PTPRD: variants seen among roughly 807,000 people sequenced by gnomAD.
PTPRD encodes receptor-type tyrosine-protein phosphatase delta.
Under a neutral mutation model 214.5 loss-of-function variants are expected in PTPRD, and 34 were observed. That is an observed-to-expected ratio of 0.16 (90% confidence interval 0.12 to 0.21). The LOEUF is 0.21. Among genes scored for constraint, PTPRD ranks in the 10% least tolerant of loss-of-function variants. PTPRD has a pLI of 1.00. For synonymous variants in PTPRD, 1,128 were observed against 845.7 expected, an observed-to-expected ratio of 1.33 and a Z score of -5.79; for missense variants, 2,545 against 2,398.7, an observed-to-expected ratio of 1.06 and a Z score of -1.27.
intron 11 of PTPRD, among the ~76,000 whole-genome samples, chr9:8,782,596 C>CTTTTT (rs35513651): frequency 8.5e-6 from 1 of 117,360 alleles, no homozygotes; most frequent in Non-Finnish European, 1.8e-5. Context: ...ATACTTAACG[C>CTTTTT]TTTTTTTTTT....
At chr9:9,363,111 C>CT (rs3048061) in intron 9 of PTPRD, among the ~76,000 whole-genome samples, 3,173 of 129,794 alleles carry the variant, frequency 0.024, 125 homozygotes, top group African/African-American at 0.085. Context: ...CTATTTTGTG[C>CT]TTTTTTTTTT....
Position 9,168,602 on chromosome 9 carries a change from G to C in PTPRD, c.-143+14702C>G, listed in dbSNP as rs901925573. Among the ~76,000 whole-genome samples the C allele has an allele frequency of 2.6e-5, 4 of 152,044 alleles. No individual in the cohort carries two copies. In the South Asian group the frequency reaches 6.2e-4, roughly 24 times the overall value. ...AAACAAGTAAGCAGCGAAACTTATA[G>C]TTTAAAAAACGATTTTTTTGCACTG... On this transcript the variant is annotated intron_variant, in intron 10 of 45. Coordinates refer to ENST00000381196, the MANE Select transcript of PTPRD (RefSeq NM_002839.4).
At chr9:10,272,952 T>A (rs543245296) in intron 3 of PTPRD, among the ~76,000 whole-genome samples, 1 of 152,180 alleles carries the variant, frequency 6.6e-6, no homozygotes, top group Non-Finnish European at 1.5e-5. Flanking sequence ...CTCAATTCAG[T>A]AGAGATGAAA....
chr9:10,223,742 A>G (rs930450108), intron 3 of PTPRD, among the ~76,000 whole-genome samples: 1 of 149,470 alleles, frequency 6.7e-6, no homozygotes, highest in African/African-American at 2.4e-5. Flanking sequence ...ACTGTATTCC[A>G]TTAAAACAAA....
chr9:9,385,580 C>G (rs2063623621), intron 9 of PTPRD, among the ~76,000 whole-genome samples: 1 of 152,142 alleles, frequency 6.6e-6, no homozygotes, highest in Non-Finnish European at 1.5e-5. Flanking sequence ...CATAAACCTT[C>G]TAGCTACTCT....
chr9:8,699,773 A>G (rs968320740), intron 12 of PTPRD, among the ~76,000 whole-genome samples: 1 of 77,654 alleles, frequency 1.3e-5, no homozygotes, highest in Non-Finnish European at 2.5e-5. Context: ...CGCCCAAAAG[A>G]AAAAAAAAAA....
intron 2 of PTPRD, among the ~76,000 whole-genome samples, chr9:10,530,906 T>C (rs929101299): frequency 6.6e-6 from 1 of 151,942 alleles, no homozygotes; most frequent in Non-Finnish European, 1.5e-5. Flanking sequence ...AAATCCACCA[T>C]AGTTATAATT....
chr9:10,037,516 G>A (rs1241810837), intron 3 of PTPRD, among the ~76,000 whole-genome samples: 1 of 146,040 alleles, frequency 6.8e-6, no homozygotes, highest in African/African-American at 2.5e-5. Flanking sequence ...TTGTGGAAAT[G>A]TAAACTAATT....
At chr9:9,447,883 C>A (rs780220165) in intron 8 of PTPRD, among the ~76,000 whole-genome samples, 1 of 151,966 alleles carries the variant, frequency 6.6e-6, no homozygotes, top group African/African-American at 2.4e-5. Context: ...GAGGTCAGTG[C>A]CGTTGGGCCA....
At chr9:8,321,477 G>A (rs1273865088) in intron 44 of PTPRD, among the ~76,000 whole-genome samples, 15 of 75,374 alleles carry the variant, frequency 2.0e-4, no homozygotes, top group African/African-American at 8.7e-4. Flanking sequence ...GTGTGTGTGT[G>A]TGTGTGTGTG....
chr9:9,238,903 T>C (rs1472806946), intron 9 of PTPRD, among the ~76,000 whole-genome samples: 2 of 152,284 alleles, frequency 1.3e-5, no homozygotes, highest in East Asian at 3.9e-4. Flanking sequence ...AATTTTATCC[T>C]AGGACCCTCT....
chr9:9,598,128 C>G (rs1273694854), intron 7 of PTPRD, among the ~76,000 whole-genome samples: 2 of 151,880 alleles, frequency 1.3e-5, no homozygotes, highest in Non-Finnish European at 2.9e-5. Context: ...CCTTCAAAAC[C>G]AAGAGACTCA....
chr9:8,480,936 G>T (rs184174681), intron 30 of PTPRD, among the ~76,000 whole-genome samples: 177 of 152,076 alleles, frequency 1.2e-3, no homozygotes, highest in African/African-American at 4.1e-3. Flanking sequence ...TCAGGAGATC[G>T]AGACCAACCT....
intron 8 of PTPRD, among the ~76,000 whole-genome samples, chr9:9,570,022 T>G (rs976388911): frequency 6.6e-6 from 1 of 151,490 alleles, no homozygotes; most frequent in South Asian, 2.1e-4. Context: ...ATTTTTCCCA[T>G]ATATTTTTTA....
intron 39 of PTPRD, among the ~76,000 whole-genome samples, chr9:8,359,169 G>A (rs1010915944): frequency 3.4e-5 from 5 of 145,410 alleles, no homozygotes; most frequent in Admixed American, 7.0e-5. Flanking sequence ...TTTTAGATTC[G>A]GCAGGGATCT....
rs181266838 is a variant in PTPRD, at chr9:9,419,117, T to G, written c.-236-21635A>C. The stretch of plus-strand genomic sequence containing the variant: ...AGCTTAGTTTTATGAATTCTAAAGA[T>G]AGGCCCCTTATACACACACACACAC... On this transcript the variant is annotated intron_variant, in intron 8 of 45. Coordinates refer to ENST00000381196, the MANE Select transcript of PTPRD (RefSeq NM_002839.4). Among the ~76,000 whole-genome samples, 37 of 132,702 alleles carry G rather than the reference T, an allele frequency of 2.8e-4. 1 individual carries two copies. The highest frequency in any genetic ancestry group is 9.7e-4 in the African/African-American group (34 of 35,116). 87.1% of individuals were successfully genotyped at this position (132,702 alleles called of 152,430 possible).
chr9:10,388,839 A>G (rs2097987372), intron 2 of PTPRD, among the ~76,000 whole-genome samples: 1 of 151,914 alleles, frequency 6.6e-6, no homozygotes, highest in Middle Eastern at 3.2e-3. Flanking sequence ...TGAAATACTT[A>G]GCAGAGAGAC....
In PTPRD at chr9:10,363,127, T is replaced by C. The variant is rs1035521287; in HGVS notation, c.-599-22110A>G. ...TGTTGCTAATCTCTAGATTTTCTGATTTATTTTTTCTCAAATTTTAATATT... is the reference window on the plus strand; with the variant it reads ...TGTTGCTAATCTCTAGATTTTCTGACTTATTTTTTCTCAAATTTTAATATT... On this transcript the variant is annotated intron_variant, in intron 2 of 45. Transcript: ENST00000381196. Among the ~76,000 whole-genome samples, 4 of 152,194 alleles carry C rather than the reference T, an allele frequency of 2.6e-5. No individual in the cohort carries two copies. In the East Asian group the frequency reaches 5.8e-4, roughly 22 times the overall value.
At chr9:8,720,074 T>G (rs934084107) in intron 12 of PTPRD, among the ~76,000 whole-genome samples, 7 of 152,216 alleles carry the variant, frequency 4.6e-5, no homozygotes, top group African/African-American at 1.7e-4. Context: ...ACATGATTCT[T>G]CCCTCCAGGC....
Sources: gnomAD v4.1 joint callset for allele counts (sites outside exome capture counted in the v4.1 genomes callset) on GRCh38, gnomAD v4.1.1 for gene constraint, MANE v1.5 for transcripts, NCBI Gene and HGNC (gene_info 2026-07-23, HGNC 2026-07-21) for gene names.